Variants in GRHL1 observed in about 807,000 individuals in gnomAD.
GRHL1 encodes the protein grainyhead-like protein 1 homolog.
Under a neutral mutation model 75.7 loss-of-function variants are expected in GRHL1, and 38 were observed. The observed-to-expected ratio is 0.50, with a 90% CI of 0.39 to 0.66. The LOEUF (loss-of-function observed/expected upper bound fraction) is 0.66, where lower values mean the gene tolerates loss of function less well. GRHL1 is among the 30% of genes least tolerant of loss of function. GRHL1 has a pLI of 0.00. For missense variants in GRHL1, 589 were observed against 767.5 expected (o/e 0.77, Z 2.75); for synonymous variants, 266 against 279.4 (o/e 0.95, Z 0.48).
chr2:9,959,049 T>A, intron 3 of GRHL1, 193 bp downstream of exon 3: 1 of 730,750 alleles, frequency 1.4e-6, no homozygotes, highest in Non-Finnish European at 2.0e-6. Flanking sequence ...TCTTTGGGCG[T>A]AGTAGTTGCC....
rs566213260 is a variant in GRHL1 at position 10,001,192 on chromosome 2, G to C, written c.*485G>C. On this transcript the variant is annotated 3_prime_UTR_variant, in exon 16 of 16. Coordinates refer to ENST00000324907, the MANE Select transcript of GRHL1 (RefSeq NM_198182.3). ...TAGCGGGAGCGCACCTGAAGAGTAC[G>C]GGGGGAGCCCTCTCTCCCTTACCCT... The C allele has an allele frequency of 1.3e-5, 2 of 152,680 alleles. No individual in the cohort carries two copies. Among genetic ancestry groups the C allele is most frequent in the Admixed American group, 6.5e-5 (1 of 15,268 alleles). The allele number at this position is 152,680 out of a possible 1,614,324, so 9.5% of individuals were successfully genotyped here.
intron 2 of GRHL1, among the ~76,000 whole-genome samples, chr2:9,955,586 T>C (rs1282305428): frequency 6.6e-6 from 1 of 152,196 alleles, no homozygotes; most frequent in Non-Finnish European, 1.5e-5. Flanking sequence ...AGATTTGGAG[T>C]ACTCTTAATT....
chr2:9,961,405 T>C lies in GRHL1; in HGVS notation c.638T>C (p.Phe213Ser). 1.9e-6 allele frequency: 3 copies of C among 1,611,640 alleles called. No homozygotes were observed. The highest frequency in any genetic ancestry group is 2.5e-6 in the Non-Finnish European group (3 of 1,177,908). The stretch of plus-strand genomic sequence containing the variant: ...CAAAGGCGAACTCCAGACTCGACCT[T>C]CTCAGAGACCTTCAAGGAAGGCGTT... The part of the protein sequence containing the change: ...NAQRRTPDST[F>S]SETFKEGVQE... The change falls in exon 4 of 16, where the codon TTC (phenylalanine) becomes TCC (serine). Residue 213 changes from phenylalanine to serine, a missense_variant. By Grantham distance (155) the Phe-to-Ser change is radical (BLOSUM62 -2). This residue lies in a region of GRHL1 where 362 missense variants were observed against 461.8 expected (regional missense o/e 0.78). Coordinates refer to ENST00000324907, the MANE Select transcript of GRHL1 (RefSeq NM_198182.3).
chr2:9,996,987 G>A (rs1247802548), intron 14 of GRHL1, among the ~76,000 whole-genome samples: 2 of 152,190 alleles, frequency 1.3e-5, no homozygotes, highest in African/African-American at 2.4e-5. Context: ...CGTTCCAGCT[G>A]TGCACTGGAA....
chr2:9,983,455 C>G (rs983143909), intron 8 of GRHL1, among the ~76,000 whole-genome samples: 3 of 152,192 alleles, frequency 2.0e-5, no homozygotes, highest in South Asian at 4.1e-4. Flanking sequence ...TGCACACCAG[C>G]ATGGGCAAAG....
chr2:9,998,520 A>G (rs1300435935), intron 14 of GRHL1, among the ~76,000 whole-genome samples: 2 of 56,580 alleles, frequency 3.5e-5, no homozygotes, highest in African/African-American at 1.2e-4. Flanking sequence ...ACGTATATAT[A>G]TACATATATA....
At chr2:9,974,830 G>A (rs1453702387) in intron 8 of GRHL1, among the ~76,000 whole-genome samples, 2 of 152,138 alleles carry the variant, frequency 1.3e-5, no homozygotes, top group Non-Finnish European at 2.9e-5. Context: ...GCACTGCAGA[G>A]GAATAAGAAA....
chr2:9,976,531 T>A (rs933284445), intron 8 of GRHL1, among the ~76,000 whole-genome samples: 9 of 151,754 alleles, frequency 5.9e-5, no homozygotes, highest in Non-Finnish European at 1.2e-4. Context: ...ACCCCAAGGG[T>A]CTTGGGGTTG....
At chr2:9,961,869 A>G (rs1451860957) in intron 4 of GRHL1, among the ~76,000 whole-genome samples, 5 of 152,126 alleles carry the variant, frequency 3.3e-5, no homozygotes, top group Non-Finnish European at 5.9e-5. Context: ...GCACAAATGC[A>G]TTGTGTGAGG....
At chr2:9,971,772 T>C (rs1897164) in intron 8 of GRHL1, among the ~76,000 whole-genome samples, 33,433 of 152,148 alleles carry the variant, frequency 0.22, 3,986 homozygotes, top group African/African-American at 0.31. Context: ...GATTGGAAAT[T>C]TGTAGAGAAT....
intron 14 of GRHL1, among the ~76,000 whole-genome samples, chr2:9,998,747 C>T (rs74171475): frequency 0.19 from 6,838 of 35,254 alleles, 2,009 homozygotes; most frequent in African/African-American, 0.31. Context: ...TATGTACACA[C>T]ATATATACGT....
Position 9,993,243 on chromosome 2 carries a change from G to A in GRHL1, c.1498G>A (p.Gly500Ser), listed in dbSNP as rs754758572. ...PIASEELEGE[G>S]SVLKRGPYGT... ...TGCCTCTGAAGAATTGGAGGGTGAAGGGTAAGATTTATGTTTTGTTTTGTT... is the reference window on the plus strand; with the variant it reads ...TGCCTCTGAAGAATTGGAGGGTGAAAGGTAAGATTTATGTTTTGTTTTGTT... Residue 500 changes from glycine to serine, a missense_variant and splice_region_variant, in exon 12 of 16, where the codon GGC (glycine) becomes AGC (serine). By Grantham distance (56) the Gly-to-Ser change is moderately conservative (BLOSUM62 0). Transcript: ENST00000324907. 1 of 1,609,506 alleles carries A rather than the reference G, an allele frequency of 6.2e-7. No homozygotes were observed. Among genetic ancestry groups the A allele is most frequent in the Non-Finnish European group, 8.5e-7 (1 of 1,175,756 alleles).
Position 9,955,085 on chromosome 2 carries a change from T to A in GRHL1, c.191T>A (p.Leu64His). 1 of 1,612,682 alleles carries A rather than the reference T, an allele frequency of 6.2e-7. No individual in the cohort carries two copies. Among genetic ancestry groups the A allele is most frequent in the African/African-American group, 1.3e-5 (1 of 75,018 alleles). ...GACAGCGCCGCTGCGCTGGGCCTGC[T>A]CTATGACTACTACAAGGTGGGTTTG... ...DEDSAAALGL[L>H]YDYYKVPRER... is the part of the protein sequence containing the mutation. The change falls in exon 2 of 16, where the codon CTC (leucine) becomes CAC (histidine). Residue 64 changes from leucine (L) to histidine (H), a missense_variant. Transcript: ENST00000324907.
intron 8 of GRHL1, among the ~76,000 whole-genome samples, chr2:9,969,826 A>G (rs909354887): frequency 6.7e-6 from 1 of 149,852 alleles, no homozygotes; most frequent in African/African-American, 2.5e-5. Flanking sequence ...TATGACCTTC[A>G]TGAATAGTTA....
At chr2:9,976,719 G>A (rs1280507133) in intron 8 of GRHL1, among the ~76,000 whole-genome samples, 1 of 152,208 alleles carries the variant, frequency 6.6e-6, no homozygotes, top group East Asian at 1.9e-4. Flanking sequence ...GGTGCTGGGT[G>A]ATCAGACGTT....
intron 8 of GRHL1, 40 bp downstream of exon 8, chr2:9,965,421 G>C: frequency 9.9e-7 from 1 of 1,008,186 alleles, no homozygotes; most frequent in Non-Finnish European, 1.6e-6. Flanking sequence ...CCAGCCATTT[G>C]AGAAATGGGA....
At chr2:9,953,933 GTCAGTGT>G (rs1009395868) in intron 1 of GRHL1, among the ~76,000 whole-genome samples, 2 of 152,172 alleles carry the variant, frequency 1.3e-5, no homozygotes, top group African/African-American at 4.8e-5. Flanking sequence ...TTTTGCTAGA[GTCAGTGT>G]TCCATTTTTT....
At chr2:9,993,175 A>C (rs989889232) in intron 11 of GRHL1, 32 bp from the exon 12 acceptor site, 1 of 1,535,298 alleles carries the variant, frequency 6.5e-7, no homozygotes, top group East Asian at 2.2e-5. Flanking sequence ...TTGAGCATAC[A>C]TTTGAAAAGC....
rs62127502 is a variant in GRHL1 at position 9,998,503 on chromosome 2, T to C, written c.1678-462T>C. 7.6e-3 allele frequency among the ~76,000 whole-genome samples: 173 copies of C among 22,712 alleles called. 4 individuals are homozygous for C. The highest frequency in any genetic ancestry group is 0.011 in the Non-Finnish European group (150 of 13,328). The allele number at this position is 22,712 out of a possible 152,430, so 14.9% of individuals were successfully genotyped here. A position where few individuals can be genotyped will look rare whatever the true frequency, so the allele number is the denominator to read the frequency against. Reference sequence around the variant, plus strand: ...ATACATATATATACGTATATATACATATATATACGTATATATATACATATA... The same window carrying C: ...ATACATATATATACGTATATATACACATATATACGTATATATATACATATA... On this transcript the variant is annotated intron_variant, in intron 14 of 15. Transcript: ENST00000324907.
Sources: allele counts gnomAD v4.1 joint callset (sites outside exome capture counted in the v4.1 genomes callset), GRCh38; gene constraint gnomAD v4.1.1; regional missense constraint gnomAD v4.1.1; transcripts MANE v1.5; gene names NCBI Gene and HGNC (gene_info 2026-07-23, HGNC 2026-07-21).